Variants in PRKN observed in about 807,000 individuals in gnomAD.
PRKN encodes the protein E3 ubiquitin-protein ligase parkin.
PRKN carries 56 observed loss-of-function variants against 59.5 expected under a neutral mutation model. The ratio of observed to expected loss-of-function variants is 0.94; its 90% confidence interval spans 0.76 to 1.18. The LOEUF (loss-of-function observed/expected upper bound fraction) is 1.18, where lower values mean the gene tolerates loss of function less well. Among genes scored for constraint, PRKN ranks in the 50% most tolerant of loss-of-function variants. The pLI is 0.00. For missense variants in PRKN, 657 were observed against 596.4 expected, an observed-to-expected ratio of 1.10 and a Z score of -1.06; for synonymous variants, 250 against 222.1, an observed-to-expected ratio of 1.13 and a Z score of -1.12.
rs1274355150 is a variant in PRKN, at chr6:161,746,701, T to G, written c.871+39071A>C. On this transcript the variant is annotated intron_variant, in intron 7 of 11. Coordinates refer to ENST00000366898, the MANE Select transcript of PRKN (RefSeq NM_004562.3). Reference sequence around the variant, plus strand: ...AGATATATCTATATAGGTATATGTATATATGTATATATAGATATATATGTC... The same window carrying G: ...AGATATATCTATATAGGTATATGTAGATATGTATATATAGATATATATGTC... Among the ~76,000 whole-genome samples the G allele has an allele frequency of 4.1e-5, 6 of 147,140 alleles. No homozygotes were observed. The South Asian group carries it at 1.1e-3, about 26-fold the overall frequency.
At chr6:161,802,249 A>G (rs1256224999) in intron 6 of PRKN, among the ~76,000 whole-genome samples, 1 of 151,988 alleles carries the variant, frequency 6.6e-6, no homozygotes, top group African/African-American at 2.4e-5. Context: ...CATTCAGAAA[A>G]AGGTCCAAGT....
chr6:162,107,392 G>A (rs1780233464), intron 4 of PRKN, among the ~76,000 whole-genome samples: 2 of 152,218 alleles, frequency 1.3e-5, no homozygotes, highest in Non-Finnish European at 1.5e-5. Flanking sequence ...ATGAACGCAG[G>A]AGGTGGAGGT....
Position 161,984,785 on chromosome 6 carries a change from T to A in PRKN, c.619-11368A>T, listed in dbSNP as rs1171947214. Among the ~76,000 whole-genome samples the A allele has an allele frequency of 2.0e-5, 3 of 152,210 alleles. No homozygotes were observed. In the East Asian group the frequency reaches 5.8e-4, roughly 29 times the overall value. On this transcript the variant is annotated intron_variant, in intron 5 of 11. Coordinates refer to ENST00000366898, the MANE Select transcript of PRKN (RefSeq NM_004562.3). ...TTTACTTGTGCATATGATCTTGCTG[T>A]TAGCATTTCATGAAGGGTCCCTGAC...
At chr6:162,302,941 T>C (rs1782025332) in intron 2 of PRKN, among the ~76,000 whole-genome samples, 1 of 147,364 alleles carries the variant, frequency 6.8e-6, no homozygotes, top group Non-Finnish European at 1.5e-5. Context: ...GGCCTATGGG[T>C]GAGTATTATA....
chr6:162,457,444 AACT>A (rs1224023009), intron 1 of PRKN, among the ~76,000 whole-genome samples: 1 of 152,182 alleles, frequency 6.6e-6, no homozygotes, highest in African/African-American at 2.4e-5. Context: ...ACCATACTGC[AACT>A]ACTTAAACCT....
intron 6 of PRKN, among the ~76,000 whole-genome samples, chr6:161,830,119 A>C (rs1792422062): frequency 6.6e-6 from 1 of 152,160 alleles, no homozygotes; most frequent in African/African-American, 2.4e-5. Context: ...AAGGCTCAGC[A>C]AGGTAAAAAT....
At chr6:161,808,056 T>A (rs1168365595) in intron 6 of PRKN, among the ~76,000 whole-genome samples, 2 of 152,220 alleles carry the variant, frequency 1.3e-5, no homozygotes, top group Admixed American at 6.5e-5. Flanking sequence ...ATTGACTTAA[T>A]CTATTCATTT....
At chr6:162,725,271 C>G (rs1779097903) in intron 1 of PRKN, among the ~76,000 whole-genome samples, 1 of 152,180 alleles carries the variant, frequency 6.6e-6, no homozygotes, top group Admixed American at 6.5e-5. Flanking sequence ...AACAGAAAAT[C>G]CCAGATACAT....
chr6:162,039,159 A>G (rs890669659), intron 5 of PRKN, among the ~76,000 whole-genome samples: 2 of 146,620 alleles, frequency 1.4e-5, no homozygotes, highest in Non-Finnish European at 3.0e-5. Context: ...CCATCTCACA[A>G]AAAAAAAAAA....
At chr6:162,605,294 C>G (rs1287124796) in intron 1 of PRKN, among the ~76,000 whole-genome samples, 3 of 152,030 alleles carry the variant, frequency 2.0e-5, no homozygotes, top group Non-Finnish European at 4.4e-5. Flanking sequence ...CACATTGATT[C>G]CCATATTAAT....
intron 2 of PRKN, among the ~76,000 whole-genome samples, chr6:162,370,328 A>G (rs58086840): frequency 0.039 from 5,944 of 152,148 alleles, 411 homozygotes; most frequent in African/African-American, 0.14. Context: ...TTTTTTTAAT[A>G]TAGAAAAAAA....
chr6:161,944,033 C>T (rs1405689569), intron 6 of PRKN, among the ~76,000 whole-genome samples: 1 of 136,666 alleles, frequency 7.3e-6, no homozygotes, highest in Admixed American at 7.3e-5. Context: ...CCTGAGGAAT[C>T]AGCCTGAGGG....
At chr6:161,942,406 C>A (rs1423301001) in intron 6 of PRKN, among the ~76,000 whole-genome samples, 4 of 152,074 alleles carry the variant, frequency 2.6e-5, no homozygotes, top group Non-Finnish European at 5.9e-5. Context: ...TGGTGGATGC[C>A]TGTAATTCCA....
intron 7 of PRKN, among the ~76,000 whole-genome samples, chr6:161,648,343 C>T (rs1428034354): frequency 1.3e-5 from 2 of 152,104 alleles, no homozygotes; most frequent in African/African-American, 4.8e-5. Context: ...AGTATATATC[C>T]CTTCTGCCCA....
At chr6:161,516,177 G>T (rs1373750359) in intron 9 of PRKN, among the ~76,000 whole-genome samples, 1 of 152,156 alleles carries the variant, frequency 6.6e-6, no homozygotes, top group Admixed American at 6.5e-5. Flanking sequence ...GCCAGGCGCA[G>T]TGGCTCACGC....
chr6:161,558,267 T>A (rs1780316605), intron 8 of PRKN, among the ~76,000 whole-genome samples: 1 of 152,020 alleles, frequency 6.6e-6, no homozygotes, highest in Admixed American at 6.6e-5. Context: ...TTCCCTTCTA[T>A]TAAAAAAAAT....
chr6:162,119,917 T>C (rs73016604), intron 4 of PRKN, among the ~76,000 whole-genome samples: 9,147 of 152,302 alleles, frequency 0.06, 322 homozygotes, highest in African/African-American at 0.084. Context: ...ACATTTTGGA[T>C]GTTATTTTCT....
At chr6:162,307,809 A>G (rs1173076545) in intron 2 of PRKN, among the ~76,000 whole-genome samples, 1 of 152,208 alleles carries the variant, frequency 6.6e-6, no homozygotes, top group Non-Finnish European at 1.5e-5. Flanking sequence ...TAATAAGAAG[A>G]TGATTATGAA....
chr6:162,677,063 C>CAAAAAAAA (rs536705591), intron 1 of PRKN, among the ~76,000 whole-genome samples: 2 of 90,296 alleles, frequency 2.2e-5, no homozygotes, highest in African/African-American at 4.2e-5. Flanking sequence ...ACATCTCAAT[C>CAAAAAAAA]AAAAAAAAAA....
Sources: gnomAD v4.1 joint callset for allele counts (sites outside exome capture counted in the v4.1 genomes callset) on GRCh38, gnomAD v4.1.1 for gene constraint, MANE v1.5 for transcripts, NCBI Gene and HGNC (gene_info 2026-07-23, HGNC 2026-07-21) for gene names.